Variants in CLASP1 observed in about 807,000 individuals in gnomAD.
CLASP1 encodes cytoplasmic linker associated protein 1, also known as CLIP-associating protein 1.
In CLASP1, 38 loss-of-function variants were observed where a neutral mutation model predicts 192.3. The ratio of observed to expected loss-of-function variants is 0.20; its 90% CI spans 0.15 to 0.26. CLASP1 has a LOEUF of 0.26. Among genes scored for constraint, CLASP1 ranks in the 10% least tolerant of loss-of-function variants. CLASP1 has a pLI of 1.00. For missense variants in CLASP1, 1,433 were observed against 1,932.5 expected, an observed-to-expected ratio of 0.74 and a Z score of 4.85; for synonymous variants, 691 against 712.8, an observed-to-expected ratio of 0.97 and a Z score of 0.49.
chr2:121,648,199 T>G (rs767485061), intron 1 of CLASP1, among the ~76,000 whole-genome samples: 5 of 152,148 alleles, frequency 3.3e-5, no homozygotes, highest in Non-Finnish European at 5.9e-5. Context: ...TCGTAAATAA[T>G]CGTAGTAATA....
At chr2:121,371,728 A>T (rs559942000) in intron 34 of CLASP1, among the ~76,000 whole-genome samples, 1 of 152,140 alleles carries the variant, frequency 6.6e-6, no homozygotes, top group African/African-American at 2.4e-5. Flanking sequence ...CCTCCTCCCT[A>T]GCTAAGACCA....
intron 2 of CLASP1, among the ~76,000 whole-genome samples, chr2:121,541,740 C>T (rs2095238823): frequency 6.6e-6 from 1 of 152,192 alleles, no homozygotes; most frequent in South Asian, 2.1e-4. Context: ...ATGGCAGCTG[C>T]TCCATCTCCG....
chr2:121,627,143 G>A (rs558712022), intron 1 of CLASP1, among the ~76,000 whole-genome samples: 1 of 152,234 alleles, frequency 6.6e-6, no homozygotes, highest in South Asian at 2.1e-4. Context: ...GATAACGTAG[G>A]GAAAAGAAGA....
chr2:121,350,530 A>G (rs2064169979), intron 37 of CLASP1, among the ~76,000 whole-genome samples: 1 of 152,192 alleles, frequency 6.6e-6, no homozygotes, highest in South Asian at 2.1e-4. Context: ...TGGCTCCAGA[A>G]GACGCTCGGC....
chr2:121,473,378 G>A (rs2091096172), intron 8 of CLASP1, among the ~76,000 whole-genome samples: 1 of 151,872 alleles, frequency 6.6e-6, no homozygotes, highest in Non-Finnish European at 1.5e-5. Context: ...AAAAATCAGG[G>A]AACTTAAACA....
rs550765708 is a variant in CLASP1 at position 121,641,689 on chromosome 2, T to C, written c.-286+7683A>G. On this transcript the variant is annotated intron_variant, in intron 1 of 39. Transcript: ENST00000263710. ...TCTTTTTTAAAATAAACACAAAAAG[T>C]AATGAAAAATAAAAATAATGTACCA... 7.2e-5 allele frequency among the ~76,000 whole-genome samples: 11 copies of C among 152,232 alleles called. No homozygotes were observed. In the South Asian group the frequency reaches 2.3e-3, roughly 32 times the overall value.
At chr2:121,364,964 CAAAT>C (rs1050131462) in intron 36 of CLASP1, 126 bp downstream of exon 37, 6 of 858,564 alleles carry the variant, frequency 7.0e-6, no homozygotes, top group Non-Finnish European at 1.1e-5. Context: ...GAAAAATGAA[CAAAT>C]AAATGTTTTG....
intron 33 of CLASP1, among the ~76,000 whole-genome samples, chr2:121,379,778 T>G (rs183972886): frequency 6.6e-5 from 10 of 152,338 alleles, no homozygotes; most frequent in African/African-American, 2.4e-4. Context: ...TTTCAGATAA[T>G]TCATCTCATT....
intron 9 of CLASP1, among the ~76,000 whole-genome samples, chr2:121,467,119 C>T (rs2089742164): frequency 6.6e-6 from 1 of 152,168 alleles, no homozygotes; most frequent in South Asian, 2.1e-4. Flanking sequence ...ATGGCTTCCA[C>T]CTCCATCCAT....
chr2:121,389,831 C>T (rs1240613708), intron 30 of CLASP1, among the ~76,000 whole-genome samples: 1 of 152,128 alleles, frequency 6.6e-6, no homozygotes, highest in African/African-American at 2.4e-5. Flanking sequence ...GATCCAAGTT[C>T]TAGAAACGGT....
intron 2 of CLASP1, among the ~76,000 whole-genome samples, chr2:121,593,963 G>A (rs2062770225): frequency 1.3e-5 from 2 of 150,074 alleles, no homozygotes; most frequent in East Asian, 2.0e-4. Flanking sequence ...AGCCGAGATC[G>A]CGCCACTGCA....
chr2:121,612,070 G>A (rs1194655166), intron 1 of CLASP1, among the ~76,000 whole-genome samples: 1 of 150,650 alleles, frequency 6.6e-6, no homozygotes, highest in African/African-American at 2.4e-5. Flanking sequence ...GGAACTGGAG[G>A]AGGAGGAGTT....
At chr2:121,588,774 T>G (rs954137331) in intron 2 of CLASP1, among the ~76,000 whole-genome samples, 1 of 152,138 alleles carries the variant, frequency 6.6e-6, no homozygotes, top group Non-Finnish European at 1.5e-5. Flanking sequence ...ATCTAAAGTA[T>G]GAAGTTCATG....
At chr2:121,439,751 G>C (rs1161846435) in intron 19 of CLASP1, among the ~76,000 whole-genome samples, 1 of 151,318 alleles carries the variant, frequency 6.6e-6, no homozygotes, top group Admixed American at 6.6e-5. Context: ...ATACTATGCA[G>C]CCATAAAAAA....
intron 8 of CLASP1, among the ~76,000 whole-genome samples, chr2:121,492,856 G>A (rs962333706): frequency 3.3e-5 from 5 of 152,046 alleles, no homozygotes; most frequent in African/African-American, 9.7e-5. Context: ...CTGAAAACAG[G>A]TGTTTAAAAG....
At chr2:121,620,651 A>C (rs996420399) in intron 1 of CLASP1, among the ~76,000 whole-genome samples, 1 of 152,054 alleles carries the variant, frequency 6.6e-6, no homozygotes, top group Non-Finnish European at 1.5e-5. Context: ...CCCGGCCTTG[A>C]CTTCTTTTCA....
intron 19 of CLASP1, among the ~76,000 whole-genome samples, chr2:121,446,460 G>A (rs1327535098): frequency 2.0e-5 from 3 of 152,148 alleles, no homozygotes; most frequent in Non-Finnish European, 2.9e-5. Flanking sequence ...ATTAGTTTTA[G>A]AACTGACTCT....
chr2:121,604,576 G>A (rs971364876), intron 2 of CLASP1, among the ~76,000 whole-genome samples: 1 of 152,224 alleles, frequency 6.6e-6, no homozygotes, highest in Non-Finnish European at 1.5e-5. Flanking sequence ...GCTGAGGTGG[G>A]AGGATTGCTT....
At chr2:121,457,592 T>C in intron 14 of CLASP1, 95 bp downstream of exon 14, 1 of 893,384 alleles carries the variant, frequency 1.1e-6, no homozygotes, top group Non-Finnish European at 1.8e-6. Flanking sequence ...ATACTAAGCA[T>C]GTTATACATG....
Sources: allele counts gnomAD v4.1 joint callset (sites outside exome capture counted in the v4.1 genomes callset), GRCh38; gene constraint gnomAD v4.1.1; transcripts MANE v1.5; gene names NCBI Gene and HGNC (gene_info 2026-07-23, HGNC 2026-07-21).